Variants in CEP250 observed in about 807,000 individuals in gnomAD.
CEP250 encodes centrosome-associated protein CEP250.
In CEP250, 242 loss-of-function variants were observed where a neutral mutation model predicts 315.7. The ratio of observed to expected loss-of-function variants is 0.77; its 90% CI spans 0.69 to 0.85. CEP250 has a LOEUF of 0.85. Ranked by LOEUF, CEP250 falls within the 40% of genes least tolerant of loss-of-function variation. CEP250 has a pLI of 0.00. For missense variants in CEP250, 2,515 were observed against 2,886.4 expected (o/e 0.87, Z 2.95); for synonymous variants, 1,088 against 1,175.0 (o/e 0.93, Z 1.51).
At chr20:35,467,681 G>A in intron 9 of CEP250, 126 bp downstream of exon 9, 1 of 1,128,064 alleles carries the variant, frequency 8.9e-7, no homozygotes, top group Non-Finnish European at 1.3e-6. Context: ...ATGTGCCCAA[G>A]GAAATCTACT....
chr20:35,466,763 C>T (rs962532599), intron 7 of CEP250, among the ~76,000 whole-genome samples: 1 of 152,166 alleles, frequency 6.6e-6, no homozygotes, highest in Non-Finnish European at 1.5e-5. Flanking sequence ...AGGCGATATA[C>T]CATCCTAGGC....
rs756098971 is a variant in CEP250, at chr20:35,473,475, G to A, written c.1311G>A (p.Leu437=). 2 of 1,614,218 alleles carry A rather than the reference G, an allele frequency of 1.2e-6. No homozygotes were observed. Among genetic ancestry groups the A allele is most frequent in the Non-Finnish European group, 1.7e-6 (2 of 1,180,038 alleles). The change falls in exon 13 of 35, where the codon CTG becomes CTA. Residue 437 remains leucine, a synonymous_variant. Transcript: ENST00000397527. ...AGGGCAAAGCCTTGAGACAGCGGCT[G>A]CAGAAGCTCACTGGGGAGCGGGACA... ...EEEGKALRQR[L]QKLTGERDTL...
At chr20:35,484,331 C>T (rs6087715) in intron 20 of CEP250, among the ~76,000 whole-genome samples, 2 of 152,140 alleles carry the variant, frequency 1.3e-5, no homozygotes, top group Admixed American at 6.6e-5. Flanking sequence ...CCAGGACCAC[C>T]TTAAAGTAAA....
At chr20:35,468,090 A>C (rs551848320) in intron 9 of CEP250, among the ~76,000 whole-genome samples, 14 of 151,946 alleles carry the variant, frequency 9.2e-5, no homozygotes, top group African/African-American at 3.1e-4. Flanking sequence ...GACTGTTTAC[A>C]GGCACATGCC....
At position 35,490,774 on chromosome 20, in the gene CEP250, A is replaced by G; in HGVS notation, c.2724A>G (p.Glu908=). ...MEAIQAQREE[E]RTQAESALCQ... ...CCATCCAGGCCCAGAGGGAAGAAGA[A>G]CGGACCCAGGCAGAGAGTGCCCTAT... is the stretch of plus-strand genomic sequence containing the variant. Residue 908 remains glutamate, a synonymous_variant, in exon 21 of 35, where the codon GAA becomes GAG. Coordinates refer to ENST00000397527, the MANE Select transcript of CEP250 (RefSeq NM_007186.6). 1.9e-6 allele frequency: 3 copies of G among 1,613,524 alleles called. No individual in the cohort carries two copies. Among genetic ancestry groups the G allele is most frequent in the Non-Finnish European group, 2.5e-6 (3 of 1,179,912 alleles).
chr20:35,482,102 T>TAGAC (rs2063364709), intron 20 of CEP250, among the ~76,000 whole-genome samples: 1 of 150,150 alleles, frequency 6.7e-6, no homozygotes, highest in Non-Finnish European at 1.5e-5. Context: ...GATAGATAGA[T>TAGAC]AGATTCACTA....
At chr20:35,509,904 C>A in intron 33 of CEP250, 94 bp from the exon 34 acceptor site, 2 of 1,131,358 alleles carry the variant, frequency 1.8e-6, no homozygotes, top group Non-Finnish European at 2.7e-6. Context: ...CTTGCCCAGG[C>A]CCCTAAGATT....
rs1166117874 is a variant in CEP250, at chr20:35,514,063, T to C, written c.*2437T>C. 2.0e-5 allele frequency: 3 copies of C among 152,242 alleles called. No homozygotes were observed. In the East Asian group the frequency reaches 5.8e-4, roughly 29 times the overall value. The allele number at this position is 152,242 out of a possible 1,614,324, so 9.4% of individuals were successfully genotyped here. A position where few individuals can be genotyped will look rare whatever the true frequency, so the allele number is the denominator to read the frequency against. On this transcript the variant is annotated 3_prime_UTR_variant, in exon 35 of 35. Coordinates refer to ENST00000397527, the MANE Select transcript of CEP250 (RefSeq NM_007186.6). ...CCTCTGTGGAGTGTCCCACCAATAATGGTGACAACTGCTGTTTTCATCAGC... is the reference window on the plus strand; with the variant it reads ...CCTCTGTGGAGTGTCCCACCAATAACGGTGACAACTGCTGTTTTCATCAGC...
chr20:35,504,282 C>T lies in CEP250; in HGVS notation c.5913C>T (p.Gly1971=). Residue 1971 remains glycine (G), a synonymous_variant, in exon 30 of 35, where the codon GGC becomes GGT. Transcript: ENST00000397527. ...CTGAGGCTCTGCAGGAGGCCCTTGG[C>T]AAGGCTCATGCTGCCCTGCAGGGGA... ...ARAEALQEAL[G]KAHAALQGKE... is the part of the protein sequence containing the mutation. 6.3e-7 allele frequency: 1 copy of T among 1,589,478 alleles called. No homozygotes were observed. The highest frequency in any genetic ancestry group is 1.1e-5 in the South Asian group (1 of 88,156).
Position 35,504,519 on chromosome 20 carries a change from G to C in CEP250, c.6150G>C (p.Glu2050Asp). 1 of 1,613,980 alleles carries C rather than the reference G, an allele frequency of 6.2e-7. No homozygotes were observed. Among genetic ancestry groups the C allele is most frequent in the Non-Finnish European group, 8.5e-7 (1 of 1,179,936 alleles). ...LQQALAQRDE[E>D]LRHQQEREQL... ...AGGCACTTGCCCAGAGGGATGAAGAGCTGAGACATCAGCAGGAACGGGAGC... is the reference window on the plus strand; with the variant it reads ...AGGCACTTGCCCAGAGGGATGAAGACCTGAGACATCAGCAGGAACGGGAGC... The change falls in exon 30 of 35, where the codon GAG (glutamate) becomes GAC (aspartate). Residue 2050 changes from glutamate (E) to aspartate (D), a missense_variant. Glu to Asp is a conservative substitution (Grantham distance 45, BLOSUM62 2). Transcript: ENST00000397527.
chr20:35,467,254 T>C, intron 8 of CEP250, 50 bp from the exon 9 acceptor site: 11 of 1,586,292 alleles, frequency 6.9e-6, no homozygotes, highest in Non-Finnish European at 9.5e-6. Flanking sequence ...ATCACCACAC[T>C]CCTTCCCTGG....
At chr20:35,488,755 C>T (rs2063595610) in intron 20 of CEP250, among the ~76,000 whole-genome samples, 1 of 152,178 alleles carries the variant, frequency 6.6e-6, no homozygotes, top group African/African-American at 2.4e-5. Context: ...TGAACTACCA[C>T]GTCCAGCCAG....
At position 35,465,200 on chromosome 20, in the gene CEP250, A is replaced by T. The variant is rs1029781304; in HGVS notation, c.244-543A>T. ...TTTGGGAGGCTGAGGTGGGTGGATC[A>T]CTTGAGGCCAGGAATTCAAGAACAG... On this transcript the variant is annotated intron_variant, in intron 5 of 34. Coordinates refer to ENST00000397527, the MANE Select transcript of CEP250 (RefSeq NM_007186.6). 1.1e-4 allele frequency among the ~76,000 whole-genome samples: 16 copies of T among 152,240 alleles called. No individual in the cohort carries two copies. The East Asian group carries it at 3.1e-3, about 29-fold the overall frequency.
intron 20 of CEP250, chr20:35,481,278 C>T (rs1235001344): frequency 6.6e-6 from 1 of 151,982 alleles, no homozygotes; most frequent in Admixed American, 6.6e-5. Context: ...AAAAATTAGC[C>T]AGGCATGGTG....
chr20:35,492,339 A>C (rs2063720555), intron 22 of CEP250, among the ~76,000 whole-genome samples: 1 of 152,164 alleles, frequency 6.6e-6, no homozygotes, highest in South Asian at 2.1e-4. Flanking sequence ...ATGGGGATTG[A>C]CTGTGAATGG....
In CEP250 at chr20:35,497,936, A is replaced by G. The variant is rs1396562184; in HGVS notation, c.3524A>G (p.Gln1175Arg). The change falls in exon 26 of 35, where the codon CAG becomes CGG. Residue 1175 changes from glutamine to arginine, a missense_variant. By Grantham distance (43) the Gln-to-Arg change is conservative. Transcript: ENST00000397527. ...GCCGCAGAGCAGCAGCCCGGGAACCAGGCCCAGGCCCAGGCCCAGCTGGCC... is the reference window on the plus strand; with the variant it reads ...GCCGCAGAGCAGCAGCCCGGGAACCGGGCCCAGGCCCAGGCCCAGCTGGCC... ...ALAAEQQPGN[Q>R]AQAQAQLASL... 1 of 1,610,448 alleles carries G rather than the reference A, an allele frequency of 6.2e-7. No homozygotes were observed. Among genetic ancestry groups the G allele is most frequent in the Non-Finnish European group, 8.5e-7 (1 of 1,178,884 alleles).
rs531499392 is a variant in CEP250, at chr20:35,511,346, T to G, written c.7066-17T>G. The stretch of plus-strand genomic sequence containing the variant: ...CCTCAGCTGCTCTCGCTTTTTTTTT[T>G]TTTTCCTGCCCACCAGGTGGTCCTG... On this transcript the variant is annotated splice_polypyrimidine_tract_variant and intron_variant, in intron 34 of 34. Coordinates refer to ENST00000397527, the MANE Select transcript of CEP250 (RefSeq NM_007186.6). The G allele has an allele frequency of 2.5e-6, 4 of 1,579,230 alleles. 1 individual carries two copies. In the South Asian group the frequency reaches 4.6e-5, roughly 18 times the overall value.
At chr20:35,508,677 C>T (rs2147214627) in intron 32 of CEP250, among the ~76,000 whole-genome samples, 1 of 152,302 alleles carries the variant, frequency 6.6e-6, no homozygotes, top group East Asian at 1.9e-4. Context: ...TGCTATGCCC[C>T]ACAAAGCCTA....
intron 30 of CEP250, among the ~76,000 whole-genome samples, chr20:35,505,870 CTGGGTGGTGGGAAGCAGATGAAGTTTT>C (rs1331730633): frequency 6.6e-6 from 1 of 152,156 alleles, no homozygotes; most frequent in Admixed American, 6.5e-5. Context: ...TGCTGAGGAC[CTGGGTGGTGGGAAGCAGATGAAGTTTT>C]TGCAGCAGGG....
Sources: allele counts gnomAD v4.1 joint callset (sites outside exome capture counted in the v4.1 genomes callset), GRCh38; gene constraint gnomAD v4.1.1; transcripts MANE v1.5; gene names NCBI Gene and HGNC (gene_info 2026-07-23, HGNC 2026-07-21).